Variants in DLGAP2 observed in about 807,000 individuals in gnomAD.
DLGAP2 encodes the protein disks large-associated protein 2.
In DLGAP2, 26 loss-of-function variants were observed where a neutral mutation model predicts 100.3. That is an observed-to-expected ratio of 0.26 (90% confidence interval 0.19 to 0.36). DLGAP2 has a LOEUF of 0.36. Among genes scored for constraint, DLGAP2 ranks in the 10% least tolerant of loss-of-function variants. DLGAP2 has a pLI of 1.00. For missense variants in DLGAP2, 1,858 were observed against 1,453.2 expected, an observed-to-expected ratio of 1.28 and a Z score of -4.53; for synonymous variants, 886 against 630.1, an observed-to-expected ratio of 1.41 and a Z score of -6.08.
chr8:981,602 G>C (rs1800333651), intron 2 of DLGAP2, among the ~76,000 whole-genome samples: 1 of 152,138 alleles, frequency 6.6e-6, no homozygotes. Context: ...TTTGTTGTTT[G>C]ATAGTAGCTG....
chr8:791,364 C>T (rs1822021908), intron 1 of DLGAP2, among the ~76,000 whole-genome samples: 1 of 152,118 alleles, frequency 6.6e-6, no homozygotes, highest in South Asian at 2.1e-4. Context: ...CTCCATGCCC[C>T]AGTGTTATCA....
At position 1,626,731 on chromosome 8, in the gene DLGAP2, T is replaced by G; in HGVS notation, c.1443-9T>G. The G allele has an allele frequency of 6.3e-7, 1 of 1,592,414 alleles. No individual in the cohort carries two copies. ...CAGAATGCCTTTTCTCCTTTCTTCT[T>G]TCCTGTAGCCAGACCTACCTGCAAG... On this transcript the variant is annotated splice_polypyrimidine_tract_variant and intron_variant, in intron 6 of 14. Transcript: ENST00000637795.
intron 3 of DLGAP2, among the ~76,000 whole-genome samples, chr8:1,459,453 G>A (rs1484667033): frequency 1.3e-5 from 2 of 152,218 alleles, no homozygotes; most frequent in Non-Finnish European, 2.9e-5. Flanking sequence ...TATTGCAACT[G>A]AGGAATGCTT....
chr8:1,120,545 C>A (rs377660456), intron 2 of DLGAP2, among the ~76,000 whole-genome samples: 1 of 152,112 alleles, frequency 6.6e-6, no homozygotes, highest in Non-Finnish European at 1.5e-5. Context: ...ATCTTCATCC[C>A]CTCAGAACCG....
chr8:948,520 G>A (rs1350111138), intron 2 of DLGAP2, among the ~76,000 whole-genome samples: 2 of 152,236 alleles, frequency 1.3e-5, no homozygotes, highest in African/African-American at 2.4e-5. Context: ...CAGGGGAGAC[G>A]TTGGCTCCTC....
intron 6 of DLGAP2, among the ~76,000 whole-genome samples, chr8:1,606,967 G>A (rs1456526979): frequency 6.6e-6 from 1 of 152,200 alleles, no homozygotes; most frequent in African/African-American, 2.4e-5. Context: ...TTACAGGCGT[G>A]AGCCACAGCA....
chr8:906,326 G>T (rs1798379557), intron 1 of DLGAP2, among the ~76,000 whole-genome samples: 1 of 152,256 alleles, frequency 6.6e-6, no homozygotes, highest in African/African-American at 2.4e-5. Flanking sequence ...GTGTGTCTCT[G>T]ATCTCCACGT....
rs369578407 is a variant in DLGAP2, at chr8:1,676,570, G to C, written c.2240G>C (p.Gly747Ala). ...TATDSDTESRGLREYHSVGVQ... is the reference protein window; with the variant it reads ...TATDSDTESRALREYHSVGVQ... ...ACAGATTCTGACACGGAGAGCCGCG[G>C]TCTGCGGGAATACCACTCTGTCGGG... The change falls in exon 11 of 15, where the codon GGT (glycine) becomes GCT (alanine). Residue 747 changes from glycine (G) to alanine (A), a missense_variant. Gly to Ala is a moderately conservative substitution (Grantham distance 60). Coordinates refer to ENST00000637795, the MANE Select transcript of DLGAP2 (RefSeq NM_001346810.2). 9 of 1,613,616 alleles carry C rather than the reference G, an allele frequency of 5.6e-6. No individual in the cohort carries two copies. Among genetic ancestry groups the C allele is most frequent in the Non-Finnish European group, 7.6e-6 (9 of 1,179,780 alleles).
chr8:861,987 C>G (rs1007442028), intron 1 of DLGAP2, among the ~76,000 whole-genome samples: 1 of 152,214 alleles, frequency 6.6e-6, no homozygotes, highest in Non-Finnish European at 1.5e-5. Flanking sequence ...TCTCATCCCA[C>G]CAACTGTTTA....
At chr8:1,620,762 C>T (rs1162938263) in intron 6 of DLGAP2, among the ~76,000 whole-genome samples, 1 of 152,166 alleles carries the variant, frequency 6.6e-6, no homozygotes, top group African/African-American at 2.4e-5. Context: ...CATTCAGGCA[C>T]CTCGTCCTCC....
chr8:1,362,634 C>G (rs1376332734), intron 3 of DLGAP2, among the ~76,000 whole-genome samples: 1 of 152,188 alleles, frequency 6.6e-6, no homozygotes, highest in African/African-American at 2.4e-5. Flanking sequence ...CAGCACCGTC[C>G]TCAGCTTTCT....
intron 2 of DLGAP2, chr8:1,248,771 G>C (rs1168471811): frequency 6.5e-6 from 1 of 152,688 alleles, no homozygotes; most frequent in East Asian, 1.9e-4. Context: ...ACTGTGCGGA[G>C]AAAGGTGAAT....
chr8:1,407,542 A>G (rs1796600148), intron 3 of DLGAP2, among the ~76,000 whole-genome samples: 1 of 134,652 alleles, frequency 7.4e-6, no homozygotes, highest in Admixed American at 7.4e-5. Flanking sequence ...TTGAGTGCTT[A>G]CTGAGCGCCA....
intron 4 of DLGAP2, among the ~76,000 whole-genome samples, chr8:1,531,721 T>TCGTGTGGTA (rs1800996049): frequency 6.6e-6 from 1 of 152,198 alleles, no homozygotes; most frequent in Non-Finnish European, 1.5e-5. Context: ...TCTGACCAAC[T>TCGTGTGGTA]CGTGTGGTCT....
chr8:837,228 A>G (rs961316803), intron 1 of DLGAP2, among the ~76,000 whole-genome samples: 1 of 152,166 alleles, frequency 6.6e-6, no homozygotes, highest in Non-Finnish European at 1.5e-5. Context: ...TGCTGCTGGC[A>G]TGAGCTCGGC....
At chr8:1,700,897 G>C (rs1039141292) in intron 14 of DLGAP2, among the ~76,000 whole-genome samples, 15 of 152,256 alleles carry the variant, frequency 9.9e-5, no homozygotes, top group African/African-American at 3.6e-4. Flanking sequence ...TGACTGCAGA[G>C]ACGCAAGGTG....
intron 1 of DLGAP2, among the ~76,000 whole-genome samples, chr8:776,502 A>G (rs80113530): frequency 6.6e-6 from 1 of 152,016 alleles, no homozygotes; most frequent in African/African-American, 2.4e-5. Context: ...CTATAAATTT[A>G]CCTCTACACA....
chr8:988,868 C>T (rs1363559777), intron 2 of DLGAP2, among the ~76,000 whole-genome samples: 1 of 152,230 alleles, frequency 6.6e-6, no homozygotes, highest in African/African-American at 2.4e-5. Flanking sequence ...CCACAGTCAC[C>T]TGCATGAGAG....
chr8:824,393 C>G (rs1796647012), intron 1 of DLGAP2, among the ~76,000 whole-genome samples: 1 of 152,190 alleles, frequency 6.6e-6, no homozygotes, highest in South Asian at 2.1e-4. Flanking sequence ...CTTCTTCTTT[C>G]TCTGGTTCAG....
Sources: gnomAD v4.1 joint callset for allele counts (sites outside exome capture counted in the v4.1 genomes callset) on GRCh38, gnomAD v4.1.1 for gene constraint, MANE v1.5 for transcripts, NCBI Gene and HGNC (gene_info 2026-07-23, HGNC 2026-07-21) for gene names.